The following PRTG variants were observed in gnomAD, a reference collection of about 807,000 sequenced individuals.
PRTG encodes immunoglobulin superfamily, DCC subclass, member 5.
In PRTG, 67 loss-of-function variants were observed where a neutral mutation model predicts 122.5. The ratio of observed to expected loss-of-function variants is 0.55; its 90% CI spans 0.45 to 0.67. PRTG has a LOEUF of 0.67. PRTG is among the 30% of genes least tolerant of loss of function. PRTG has a pLI of 0.00. For missense variants in PRTG, 1,435 were observed against 1,415.4 expected (o/e 1.01, Z -0.22); for synonymous variants, 554 against 501.1 (o/e 1.11, Z -1.41).
rs2059139254 is a variant in PRTG, at chr15:55,615,769, A to T, written c.*4243T>A. On this transcript the variant is annotated 3_prime_UTR_variant, in exon 20 of 20. Transcript: ENST00000389286. ...TCAAAATTTACATTCAGTGAAACAG[A>T]AATGTATATAAGTGAACCACTATAG... is the stretch of plus-strand genomic sequence containing the variant. 1 of 152,134 alleles carries T rather than the reference A, an allele frequency of 6.6e-6. No individual in the cohort carries two copies. The highest frequency in any genetic ancestry group is 2.4e-5 in the African/African-American group (1 of 41,450). 9.4% of individuals were successfully genotyped at this position (152,134 alleles called of 1,614,324 possible). A position where few individuals can be genotyped will look rare whatever the true frequency, so the allele number is the denominator to read the frequency against.
At chr15:55,724,380 A>G (rs188743850) in intron 2 of PRTG, among the ~76,000 whole-genome samples, 160 of 152,214 alleles carry the variant, frequency 1.1e-3, no homozygotes, top group East Asian at 8.9e-3. Flanking sequence ...TATAATGTAT[A>G]TATTACGTTT....
At chr15:55,670,919 ACACACACACAC>A in intron 11 of PRTG, among the ~76,000 whole-genome samples, 1 of 44,290 alleles carries the variant, frequency 2.3e-5, no homozygotes. Flanking sequence ...ACACACACAC[ACACACACACAC>A]ACACACACAC....
Position 55,619,888 on chromosome 15 carries a change from G to C in PRTG, c.*124C>G, listed in dbSNP as rs529357432. On this transcript the variant is annotated 3_prime_UTR_variant, in exon 20 of 20. Coordinates refer to ENST00000389286, the MANE Select transcript of PRTG (RefSeq NM_173814.6). ...AGATTGGAAAATCATTTTTATCAAAGCATAGCATGGCAGATGGCGGCTGCA... is the reference window on the plus strand; with the variant it reads ...AGATTGGAAAATCATTTTTATCAAACCATAGCATGGCAGATGGCGGCTGCA... The C allele has an allele frequency of 6.7e-7, 1 of 1,485,744 alleles. No homozygotes were observed. The highest frequency in any genetic ancestry group is 9.0e-7 in the Non-Finnish European group (1 of 1,105,518). 92.0% of individuals were successfully genotyped at this position (1,485,744 alleles called of 1,614,324 possible).
At chr15:55,683,722 A>G (rs2059554249) in intron 3 of PRTG, 65 bp downstream of exon 3, 2 of 1,358,468 alleles carry the variant, frequency 1.5e-6, no homozygotes, top group African/African-American at 1.5e-5. Context: ...GTTTCTCCCT[A>G]TATAATCTCA....
At chr15:55,670,552 G>C (rs987568360) in intron 11 of PRTG, among the ~76,000 whole-genome samples, 12 of 152,178 alleles carry the variant, frequency 7.9e-5, no homozygotes, top group Non-Finnish European at 1.5e-4. Context: ...TGTCATCTCA[G>C]TATCAATGGC....
chr15:55,683,893 C>T lies in PRTG; in HGVS notation c.436G>A (p.Val146Ile), dbSNP rs868147000. Residue 146 changes from valine (V) to isoleucine (I), a missense_variant, in exon 3 of 20, where the codon GTC (valine) becomes ATC (isoleucine). Physicochemically the swap from Val to Ile is conservative, Grantham distance 29 (BLOSUM62 3). Coordinates refer to ENST00000389286, the MANE Select transcript of PRTG (RefSeq NM_173814.6). The stretch of plus-strand genomic sequence containing the variant: ...AATCGAGCAACTCCACCTTCGTGGA[C>T]CTCAGTGGAAATTGGCTGGACTTCA... ...AFEVQPISTE[V>I]HEGGVARFAC... The T allele has an allele frequency of 3.1e-6, 5 of 1,613,702 alleles. No homozygotes were observed. The African/African-American group carries it at 5.3e-5, about 17-fold the overall frequency.
chr15:55,619,705 C>T lies in PRTG; in HGVS notation c.*307G>A, dbSNP rs1004654604. The stretch of plus-strand genomic sequence containing the variant: ...TTCTTTCACATTGCTGACAATGAAA[C>T]ATTCAAATTACACAAGTTTAAAAAT... On this transcript the variant is annotated 3_prime_UTR_variant, in exon 20 of 20. Coordinates refer to ENST00000389286, the MANE Select transcript of PRTG (RefSeq NM_173814.6). 2 of 295,352 alleles carry T rather than the reference C, an allele frequency of 6.8e-6. No individual in the cohort carries two copies. Among genetic ancestry groups the T allele is most frequent in the Admixed American group, 4.7e-5 (1 of 21,226 alleles). The allele number at this position is 295,352 out of a possible 1,614,324, so 18.3% of individuals were successfully genotyped here.
At chr15:55,675,803 C>A in intron 8 of PRTG, 120 bp from the exon 9 acceptor site, 1 of 510,610 alleles carries the variant, frequency 2.0e-6, no homozygotes, top group Non-Finnish European at 3.4e-6. Flanking sequence ...ATCTTCTGTG[C>A]CCCTTTACAA....
intron 2 of PRTG, among the ~76,000 whole-genome samples, chr15:55,717,205 T>G (rs767771361): frequency 6.6e-6 from 1 of 152,172 alleles, no homozygotes; most frequent in Non-Finnish European, 1.5e-5. Flanking sequence ...AACAGAATGC[T>G]TTAACTAAAA....
chr15:55,739,965 G>C (rs2031556691), intron 2 of PRTG, among the ~76,000 whole-genome samples: 1 of 152,210 alleles, frequency 6.6e-6, no homozygotes, highest in African/African-American at 2.4e-5. Context: ...TGTGCTATAA[G>C]AAAGATTTAG....
chr15:55,712,216 G>A lies in PRTG; in HGVS notation c.397+28166C>T, dbSNP rs141604911. Among the ~76,000 whole-genome samples, 87 of 152,364 alleles carry A rather than the reference G, an allele frequency of 5.7e-4. No individual in the cohort carries two copies. In the East Asian group the frequency reaches 0.016, roughly 29 times the overall value. ...ACTGATAAGTCTTTGACATAAGAAT[G>A]TGAACTCTAGAGGGTTAATGAATCA... On this transcript the variant is annotated intron_variant, in intron 2 of 19. Transcript: ENST00000389286.
chr15:55,685,308 G>A (rs926452239), intron 2 of PRTG, among the ~76,000 whole-genome samples: 1 of 152,158 alleles, frequency 6.6e-6, no homozygotes, highest in Non-Finnish European at 1.5e-5. Context: ...TACAAGCACA[G>A]GACAAGGCCA....
At chr15:55,690,338 C>A (rs1729998262) in intron 2 of PRTG, among the ~76,000 whole-genome samples, 1 of 152,088 alleles carries the variant, frequency 6.6e-6, no homozygotes, top group African/African-American at 2.4e-5. Context: ...CGCCAAGGAT[C>A]TAATGAGGAA....
intron 11 of PRTG, among the ~76,000 whole-genome samples, chr15:55,671,393 T>C (rs1473266145): frequency 6.6e-6 from 1 of 152,252 alleles, no homozygotes; most frequent in Non-Finnish European, 1.5e-5. Context: ...GACTGCTTTG[T>C]ACTTAAGGGT....
At chr15:55,710,750 T>C (rs1240265440) in intron 2 of PRTG, among the ~76,000 whole-genome samples, 2 of 152,158 alleles carry the variant, frequency 1.3e-5, no homozygotes, top group Admixed American at 6.5e-5. Flanking sequence ...TCAACTTATA[T>C]AGAATATAAT....
rs970142063 is a variant in PRTG, at chr15:55,612,731, T to C, written c.*7281A>G. ...ATATATATATATATATATATATATA[T>C]ATATATATATATATATATGACTTAA... On this transcript the variant is annotated 3_prime_UTR_variant, in exon 20 of 20. Transcript: ENST00000389286. 1 of 68,652 alleles carries C rather than the reference T, an allele frequency of 1.5e-5. No homozygotes were observed. The highest frequency in any genetic ancestry group is 4.4e-5 in the African/African-American group (1 of 22,734). The allele number at this position is 68,652 out of a possible 1,614,324, so 4.3% of individuals were successfully genotyped here. A position where few individuals can be genotyped will look rare whatever the true frequency, so the allele number is the denominator to read the frequency against.
At chr15:55,621,598 G>T (rs1157308556) in intron 18 of PRTG, among the ~76,000 whole-genome samples, 1 of 151,972 alleles carries the variant, frequency 6.6e-6, no homozygotes, top group Non-Finnish European at 1.5e-5. Flanking sequence ...CCGAGATCGC[G>T]CCACTGCACT....
intron 2 of PRTG, among the ~76,000 whole-genome samples, chr15:55,734,688 C>T (rs1247903129): frequency 6.6e-6 from 1 of 151,896 alleles, no homozygotes; most frequent in East Asian, 1.9e-4. Flanking sequence ...GCCTTCTGCT[C>T]AGTCTATAAG....
chr15:55,646,840 T>C (rs2059327091), intron 11 of PRTG, among the ~76,000 whole-genome samples: 1 of 152,184 alleles, frequency 6.6e-6, no homozygotes, highest in African/African-American at 2.4e-5. Flanking sequence ...TTTTCTTTTA[T>C]TAGGGAGTCA....
Sources: gnomAD v4.1 joint callset for allele counts (sites outside exome capture counted in the v4.1 genomes callset) on GRCh38, gnomAD v4.1.1 for gene constraint, MANE v1.5 for transcripts, NCBI Gene and HGNC (gene_info 2026-07-23, HGNC 2026-07-21) for gene names.